ITPR1: variants seen among roughly 807,000 people sequenced by gnomAD.
ITPR1 encodes the protein inositol 1,4,5-trisphosphate receptor type 1.
Under a neutral mutation model 318.4 loss-of-function variants are expected in ITPR1, and 96 were observed. That is an observed-to-expected ratio of 0.30 (90% CI 0.26 to 0.36). The LOEUF (loss-of-function observed/expected upper bound fraction) is 0.36, where lower values mean the gene tolerates loss of function less well. Among genes scored for constraint, ITPR1 ranks in the 10% least tolerant of loss-of-function variants. ITPR1 has a pLI of 1.00. For synonymous variants in ITPR1, 1,312 were observed against 1,289.9 expected (o/e 1.02, Z -0.37); for missense variants, 2,440 against 3,460.2 (o/e 0.71, Z 7.40).
At chr3:4,673,065 C>A in intron 20 of ITPR1, 71 bp from the exon 21 acceptor site, 1 of 1,527,904 alleles carries the variant, frequency 6.5e-7, no homozygotes, top group Non-Finnish European at 8.9e-7. Context: ...GTCAGGGCTG[C>A]CCAGACGACC....
At chr3:4,521,141 AT>A (rs1157640028) in intron 4 of ITPR1, 47 bp downstream of exon 4, 9 of 1,323,076 alleles carry the variant, frequency 6.8e-6, no homozygotes, top group Non-Finnish European at 9.8e-6. Flanking sequence ...TCACTTGAAA[AT>A]TCTTGAAGTG....
chr3:4,551,689 G>A (rs149267945), intron 4 of ITPR1, among the ~76,000 whole-genome samples: 370 of 152,276 alleles, frequency 2.4e-3, no homozygotes, highest in African/African-American at 8.4e-3. Flanking sequence ...ATTGTAGTGG[G>A]CTAGATACAG....
At chr3:4,506,210 G>C (rs1035311678) in intron 2 of ITPR1, among the ~76,000 whole-genome samples, 4 of 152,160 alleles carry the variant, frequency 2.6e-5, no homozygotes, top group African/African-American at 9.7e-5. Flanking sequence ...TTTTACCCTG[G>C]CTTGTGAAGT....
At chr3:4,679,270 A>G (rs910612867) in intron 24 of ITPR1, among the ~76,000 whole-genome samples, 1 of 152,204 alleles carries the variant, frequency 6.6e-6, no homozygotes, top group Non-Finnish European at 1.5e-5. Context: ...AAACAGAACA[A>G]ATAGGATACA....
chr3:4,781,043 C>A (rs537126185), intron 49 of ITPR1, among the ~76,000 whole-genome samples: 1 of 152,330 alleles, frequency 6.6e-6, no homozygotes, highest in Admixed American at 6.5e-5. Flanking sequence ...TGCATGTGTG[C>A]GTACATACGT....
intron 42 of ITPR1, among the ~76,000 whole-genome samples, chr3:4,732,065 C>T (rs992880594): frequency 8.5e-5 from 13 of 152,168 alleles, no homozygotes; most frequent in Admixed American, 7.9e-4. Flanking sequence ...AAAATTTATA[C>T]AGCCTTTGAC....
intron 4 of ITPR1, among the ~76,000 whole-genome samples, chr3:4,600,846 G>A (rs1365637235): frequency 6.6e-6 from 1 of 152,178 alleles, no homozygotes; most frequent in African/African-American, 2.4e-5. Flanking sequence ...TGCAGGAATG[G>A]AGAAATAAAA....
chr3:4,760,789 G>A (rs1302969670), intron 44 of ITPR1, among the ~76,000 whole-genome samples: 5 of 152,048 alleles, frequency 3.3e-5, no homozygotes, highest in Admixed American at 6.5e-5. Context: ...ATTGCCTCTC[G>A]CCACCCTCCT....
chr3:4,609,608 G>T (rs1215920798), intron 4 of ITPR1, among the ~76,000 whole-genome samples: 2 of 151,856 alleles, frequency 1.3e-5, no homozygotes, highest in Admixed American at 1.3e-4. Context: ...TGGGATGGAG[G>T]GGGAAGGACT....
intron 60 of ITPR1, among the ~76,000 whole-genome samples, chr3:4,830,626 C>T (rs556790389): frequency 6.6e-6 from 1 of 152,088 alleles, no homozygotes. Flanking sequence ...TACCCCGTAC[C>T]CCCTTCTAGT....
At chr3:4,719,950 C>T (rs2042032001) in intron 40 of ITPR1, among the ~76,000 whole-genome samples, 1 of 152,114 alleles carries the variant, frequency 6.6e-6, no homozygotes, top group South Asian at 2.1e-4. Context: ...AGAGAAACTC[C>T]TCATGTTGTT....
At chr3:4,680,344 T>C (rs2125227333) in intron 24 of ITPR1, among the ~76,000 whole-genome samples, 1 of 152,258 alleles carries the variant, frequency 6.6e-6, no homozygotes, top group Middle Eastern at 3.4e-3. Context: ...CACTAGAGGC[T>C]AAGGTGCTAT....
intron 61 of ITPR1, 121 bp from the exon 62 acceptor site, chr3:4,846,018 C>A (rs1430495640): frequency 1.4e-5 from 8 of 564,500 alleles, no homozygotes; most frequent in Non-Finnish European, 2.5e-5. Context: ...CGATGGTACA[C>A]TATTTGTAGA....
In ITPR1 at chr3:4,710,348, C is replaced by G. The variant is rs2041262414; in HGVS notation, c.4866C>G (p.Asp1622Glu). ...RLQDIVSALEDRLRPLVQAEL... is the reference protein window; with the variant it reads ...RLQDIVSALEERLRPLVQAEL... ...AGGACATCGTCTCCGCGCTGGAGGA[C>G]CGTCTCAGGCCCCTGGTGCAGGCAG... is the stretch of plus-strand genomic sequence containing the variant. Residue 1622 changes from aspartate (D) to glutamate (E), a missense_variant, in exon 38 of 62, where the codon GAC (aspartate) becomes GAG (glutamate). Around this residue, in one of 23 missense-constraint regions of ITPR1, gnomAD observed 166 missense variants for 246.5 expected, o/e 0.67. Coordinates refer to ENST00000649015, the MANE Select transcript of ITPR1 (RefSeq NM_001378452.1). The surrounding 1 kb of genome is among the most constrained non-coding windows in gnomAD (Gnocchi z 4.2). 6.4e-7 allele frequency: 1 copy of G among 1,566,344 alleles called. No individual in the cohort carries two copies. Among genetic ancestry groups the G allele is most frequent in the Non-Finnish European group, 8.7e-7 (1 of 1,153,292 alleles).
chr3:4,596,137 T>C (rs2090791974), intron 4 of ITPR1: 1 of 152,164 alleles, frequency 6.6e-6, no homozygotes, highest in Non-Finnish European at 1.5e-5. Context: ...TTTGGAAAGC[T>C]CTGCATTTCA....
intron 61 of ITPR1, among the ~76,000 whole-genome samples, chr3:4,841,965 A>G (rs76420887): frequency 6.6e-6 from 1 of 152,322 alleles, no homozygotes; most frequent in East Asian, 1.9e-4. Context: ...GATTACTAGA[A>G]TTTGCTAGCT....
intron 55 of ITPR1, among the ~76,000 whole-genome samples, chr3:4,810,763 G>A (rs572168349): frequency 1.1e-4 from 17 of 152,314 alleles, no homozygotes; most frequent in East Asian, 1.9e-4. Flanking sequence ...GAGATCATAC[G>A]GTGGACAGTA....
intron 31 of ITPR1, among the ~76,000 whole-genome samples, chr3:4,690,889 T>G (rs1356393507): frequency 6.6e-6 from 1 of 152,220 alleles, no homozygotes; most frequent in African/African-American, 2.4e-5. Context: ...ATCTGGGTGT[T>G]CAAGGTCCCT....
chr3:4,789,547 C>G (rs2047419189), intron 52 of ITPR1, among the ~76,000 whole-genome samples: 1 of 152,212 alleles, frequency 6.6e-6, no homozygotes, highest in South Asian at 2.1e-4. Context: ...TGCTTTTGTC[C>G]TTCACTGGGA....
Sources: allele counts gnomAD v4.1 joint callset (sites outside exome capture counted in the v4.1 genomes callset), GRCh38; gene constraint gnomAD v4.1.1; regional missense constraint gnomAD v4.1.1; non-coding constraint Gnocchi (gnomAD v3.1); transcripts MANE v1.5; gene names NCBI Gene and HGNC (gene_info 2026-07-23, HGNC 2026-07-21).